The following RPL21 variants were observed in gnomAD, a reference collection of about 807,000 sequenced individuals.
RPL21 encodes the protein large ribosomal subunit protein eL21.
A neutral mutation model predicts 21.2 loss-of-function variants in RPL21; 1 was observed. The observed-to-expected ratio is 0.05, with a 90% CI of 0.02 to 0.22. The LOEUF is 0.22. Among genes scored for constraint, RPL21 ranks in the 10% least tolerant of loss-of-function variants. The pLI, the probability that RPL21 is intolerant of heterozygous loss-of-function variation, is 1.00. For synonymous variants in RPL21, 52 were observed against 62.9 expected (o/e 0.83, Z 0.82); for missense variants, 113 against 199.4 (o/e 0.57, Z 2.61).
chr13:27,253,032 A>T (rs1422957278), intron 1 of RPL21, among the ~76,000 whole-genome samples: 1 of 152,242 alleles, frequency 6.6e-6, no homozygotes, highest in Non-Finnish European at 1.5e-5. Context: ...TTAGATAATG[A>T]TAAATTAGCT....
chr13:27,253,520 G>A (rs1409850913), intron 1 of RPL21, among the ~76,000 whole-genome samples: 1 of 152,184 alleles, frequency 6.6e-6, no homozygotes, highest in African/African-American at 2.4e-5. Context: ...TACTAGTTTG[G>A]ATTCTCGTAT....
chr13:27,252,093 A>G (rs1028122698), intron 1 of RPL21, among the ~76,000 whole-genome samples: 6 of 152,074 alleles, frequency 3.9e-5, no homozygotes, highest in South Asian at 2.1e-4. Flanking sequence ...TGAAGCCTAC[A>G]GGTGTGAAAA....
At chr13:27,254,926 T>G (rs1881824085) in intron 3 of RPL21, 1 of 452,440 alleles carries the variant, frequency 2.2e-6, no homozygotes, top group African/African-American at 2.0e-5. Context: ...TGGGAAATTA[T>G]GAGTTTATCA....
intron 1 of RPL21, among the ~76,000 whole-genome samples, chr13:27,252,065 G>A (rs1881676216): frequency 1.3e-5 from 2 of 152,104 alleles, no homozygotes; most frequent in African/African-American, 4.8e-5. Flanking sequence ...AAAGTCAGGC[G>A]TCGGCTTTAA....
intron 3 of RPL21, chr13:27,254,561 A>AATT: frequency 2.5e-6 from 1 of 402,858 alleles, no homozygotes; most frequent in Non-Finnish European, 4.5e-6. Flanking sequence ...TACCTGGCTA[A>AATT]TTTTGTATTT....
At chr13:27,253,674 C>A (rs3094292) in intron 1 of RPL21, 91 bp from the exon 2 acceptor site, 1 of 749,554 alleles carries the variant, frequency 1.3e-6, no homozygotes, top group Non-Finnish European at 2.5e-6. Context: ...GTTCTCACTT[C>A]GCTACTGAAA....
At chr13:27,255,556 A>C (rs778298630) in intron 4 of RPL21, 1 of 740,784 alleles carries the variant, frequency 1.3e-6, no homozygotes, top group Admixed American at 1.7e-5. Context: ...AGTCTTACAC[A>C]GTTAGTTACT....
Position 27,256,470 on chromosome 13 carries a change from C to T in RPL21, c.428C>T (p.Thr143Ile). 1.3e-6 allele frequency: 2 copies of T among 1,573,860 alleles called. No homozygotes were observed. Among genetic ancestry groups the T allele is most frequent in the South Asian group, 2.2e-5 (2 of 90,158 alleles). ...APPREAHFVRTNGKEPELLEP... is the reference protein window; with the variant it reads ...APPREAHFVRINGKEPELLEP... ...CCCAGAGAAGCACACTTTGTGAGAACCAATGGGAAGGAGCCTGAGCTGCTG... is the reference window on the plus strand; with the variant it reads ...CCCAGAGAAGCACACTTTGTGAGAATCAATGGGAAGGAGCCTGAGCTGCTG... The change falls in exon 6 of 6, where the codon ACC becomes ATC. Residue 143 changes from threonine to isoleucine, a missense_variant. Physicochemically the swap from Thr to Ile is moderately conservative, Grantham distance 89. Transcript: ENST00000311549.
chr13:27,253,734 C>A, intron 1 of RPL21, 31 bp from the exon 2 acceptor site: 5 of 1,248,538 alleles, frequency 4.0e-6, no homozygotes, highest in South Asian at 2.4e-5. Context: ...AGTTTTCAGT[C>A]GTATTTGACT....
chr13:27,251,961 C>T (rs1043206358), intron 1 of RPL21: 1 of 152,392 alleles, frequency 6.6e-6, no homozygotes, highest in Non-Finnish European at 1.5e-5. Context: ...GCCGCGTGGC[C>T]TGATGCCTTT....
chr13:27,255,683 T>C (rs1429683580), intron 4 of RPL21: 1 of 393,522 alleles, frequency 2.5e-6, no homozygotes. Context: ...GCCATTCTCC[T>C]GCCTCAGCCT....
chr13:27,255,871 C>T, intron 4 of RPL21: 2 of 329,770 alleles, frequency 6.1e-6, no homozygotes, highest in South Asian at 2.7e-5. Context: ...CGCGCCTGGC[C>T]CAGCAGTTTT....
chr13:27,251,693 G>C (rs1881652233), intron 1 of RPL21, 108 bp downstream of exon 1: 1 of 152,530 alleles, frequency 6.6e-6, no homozygotes, highest in Non-Finnish European at 1.5e-5. Flanking sequence ...TCTCTAACCT[G>C]TTTGAGGTCC....
chr13:27,255,013 G>T (rs1402677743), intron 3 of RPL21: 1 of 713,184 alleles, frequency 1.4e-6, no homozygotes, highest in African/African-American at 1.7e-5. Flanking sequence ...AACCCTCCTA[G>T]TGAAAGCTGT....
chr13:27,253,881 A>T, intron 2 of RPL21, 38 bp downstream of exon 2: 1 of 1,168,540 alleles, frequency 8.6e-7, no homozygotes, highest in Non-Finnish European at 1.3e-6. Context: ...AGCATGGCAC[A>T]CATTTGTGTT....
chr13:27,253,280 G>C (rs1881734565), intron 1 of RPL21, among the ~76,000 whole-genome samples: 5 of 152,178 alleles, frequency 3.3e-5, no homozygotes, highest in Admixed American at 3.3e-4. Context: ...AATGTGAAGT[G>C]GCTTGAGATT....
rs760486339 is a variant in RPL21, at chr13:27,255,137, T to TA, written c.130-105_130-104insA. ...CACATTTCACCGGCTCTGAAAGCTC[T>TA]TGAGTTGCCATTTGAAAGAAATCTT... On this transcript the variant is annotated intron_variant, in intron 3 of 5. Coordinates refer to ENST00000311549, the MANE Select transcript of RPL21 (RefSeq NM_000982.4). 4 of 780,070 alleles carry TA rather than the reference T, an allele frequency of 5.1e-6. No individual in the cohort carries two copies. In the South Asian group the frequency reaches 5.4e-5, roughly 10 times the overall value. 48.3% of individuals were successfully genotyped at this position (780,070 alleles called of 1,614,324 possible).
intron 1 of RPL21, chr13:27,251,854 A>T (rs1391241845): frequency 3.3e-5 from 5 of 152,286 alleles, no homozygotes; most frequent in Non-Finnish European, 5.9e-5. Context: ...GCTTGGGGTG[A>T]GGCGACTCGA....
intron 4 of RPL21, 120 bp from the exon 5 acceptor site, chr13:27,256,061 TTGA>T: frequency 1.3e-6 from 1 of 758,542 alleles, no homozygotes; most frequent in Non-Finnish European, 2.3e-6. Context: ...GCATACTTTG[TTGA>T]TTTGTCATAT....
Sources: gnomAD v4.1 joint callset for allele counts (sites outside exome capture counted in the v4.1 genomes callset) on GRCh38, gnomAD v4.1.1 for gene constraint, MANE v1.5 for transcripts, NCBI Gene and HGNC (gene_info 2026-07-23, HGNC 2026-07-21) for gene names.